ADRA1A: variants seen among roughly 807,000 people sequenced by gnomAD.
ADRA1A encodes the protein alpha-1A adrenergic receptor.
In ADRA1A, 31 loss-of-function variants were observed where a neutral mutation model predicts 29.6. That is an observed-to-expected ratio of 1.05 (90% CI 0.79 to 1.41). The LOEUF (loss-of-function observed/expected upper bound fraction) is 1.41, where lower values mean the gene tolerates loss of function less well. Among genes scored for constraint, ADRA1A ranks in the 40% most tolerant of loss-of-function variants. The pLI, the probability that ADRA1A is intolerant of heterozygous loss-of-function variation, is 0.00. For synonymous variants in ADRA1A, 311 were observed against 254.3 expected, an observed-to-expected ratio of 1.22 and a Z score of -2.12; for missense variants, 619 against 601.1, an observed-to-expected ratio of 1.03 and a Z score of -0.31.
rs1263548603 is a variant in ADRA1A at position 26,775,566 on chromosome 8, C to T, written c.884-4900G>A. ...GTTTTCTCCTCAACAATCTCTGCTT[C>T]AAGAAGAGCCAACAGCTCCTGACTT... On this transcript the variant is annotated intron_variant, in intron 2 of 2. Coordinates refer to ENST00000380573, the MANE Select transcript of ADRA1A (RefSeq NM_000680.4). This position sits in a 1 kb window ranked among gnomAD's most constrained non-coding sequence, Gnocchi z 4.1. Among the ~76,000 whole-genome samples the T allele has an allele frequency of 6.6e-6, 1 of 152,188 alleles. No homozygotes were observed. Among genetic ancestry groups the T allele is most frequent in the Admixed American group, 6.5e-5 (1 of 15,282 alleles).
chr8:26,753,831 G>A (rs1451028941), downstream of ADRA1A, among the ~76,000 whole-genome samples: 1 of 152,116 alleles, frequency 6.6e-6, no homozygotes, highest in Non-Finnish European at 1.5e-5. Context: ...AAAGAAAGAG[G>A]TTTAAAATAT....
chr8:26,849,731 T>C (rs1812472465), intron 2 of ADRA1A, among the ~76,000 whole-genome samples: 1 of 152,206 alleles, frequency 6.6e-6, no homozygotes, highest in Non-Finnish European at 1.5e-5. Flanking sequence ...GCTTCAGCTA[T>C]TCAATAGAGG....
chr8:26,770,295 A>G lies in ADRA1A; in HGVS notation c.1255T>C (p.Cys419Arg), dbSNP rs372173736. Residue 419 changes from cysteine to arginine, a missense_variant, in exon 3 of 3, where the codon TGT becomes CGT. Coordinates refer to ENST00000380573, the MANE Select transcript of ADRA1A (RefSeq NM_000680.4). ...RITVSKDQSS[C>R]TTARVRSKSF... is the part of the protein sequence containing the mutation. Reference sequence around the variant, plus strand: ...TTACTTCTCACCCGGGCTGTGGTACAGGAGGATTGGTCTTTGGACACTGTA... The same window carrying G: ...TTACTTCTCACCCGGGCTGTGGTACGGGAGGATTGGTCTTTGGACACTGTA... 5 of 1,614,244 alleles carry G rather than the reference A, an allele frequency of 3.1e-6. No individual in the cohort carries two copies. The highest frequency in any genetic ancestry group is 4.2e-6 in the Non-Finnish European group (5 of 1,180,042).
intron 2 of ADRA1A, among the ~76,000 whole-genome samples, chr8:26,776,405 G>A (rs1214268525): frequency 6.6e-6 from 1 of 152,160 alleles, no homozygotes; most frequent in African/African-American, 2.4e-5. Flanking sequence ...AGAGACACTG[G>A]GCTATGGTAA....
At position 26,865,117 on chromosome 8, in the gene ADRA1A, G is replaced by A. The variant is rs1585871544; in HGVS notation, c.-148C>T. 3 of 1,473,760 alleles carry A rather than the reference G, an allele frequency of 2.0e-6. No individual in the cohort carries two copies. Among genetic ancestry groups the A allele is most frequent in the South Asian group, 2.8e-5 (2 of 72,492 alleles). 91.3% of individuals were successfully genotyped at this position (1,473,760 alleles called of 1,614,324 possible). The stretch of plus-strand genomic sequence containing the variant: ...TTTGGCTGGGGGTGAGAGCGCGCGC[G>A]CGGGTGGGAAACAACCCTGGCCAGC... On this transcript the variant is annotated 5_prime_UTR_variant, in exon 2 of 3. Coordinates refer to ENST00000380573, the MANE Select transcript of ADRA1A (RefSeq NM_000680.4). The surrounding 1 kb of genome is among the most constrained non-coding windows in gnomAD (Gnocchi z 7.6).
intron 2 of ADRA1A, among the ~76,000 whole-genome samples, chr8:26,800,431 G>A (rs1242813384): frequency 6.6e-6 from 1 of 152,074 alleles, no homozygotes; most frequent in Admixed American, 6.6e-5. Context: ...CTCAATGGGG[G>A]AAAGTCTTTT....
chr8:26,806,963 A>G lies in ADRA1A; in HGVS notation c.884-36297T>C, dbSNP rs1242137161. Among the ~76,000 whole-genome samples the G allele has an allele frequency of 6.6e-6, 1 of 152,204 alleles. No individual in the cohort carries two copies. ...AAAGTGGCTTGGCTTTGGCTCTGTT[A>G]ATAATGTCAAACTTATGTCGGGGGT... is the stretch of plus-strand genomic sequence containing the variant. On this transcript the variant is annotated intron_variant, in intron 2 of 2. Transcript: ENST00000380573. This position sits in a 1 kb window ranked among gnomAD's most constrained non-coding sequence, Gnocchi z 4.6.
At chr8:26,844,545 G>A (rs1812060359) in intron 2 of ADRA1A, among the ~76,000 whole-genome samples, 1 of 152,122 alleles carries the variant, frequency 6.6e-6, no homozygotes, top group African/African-American at 2.4e-5. Flanking sequence ...CCATTTGATG[G>A]AATAGAATTT....
At chr8:26,755,651 T>C (rs1805129980), downstream of ADRA1A, among the ~76,000 whole-genome samples, 1 of 152,166 alleles carries the variant, frequency 6.6e-6, no homozygotes, top group Non-Finnish European at 1.5e-5. Context: ...GATCACCACT[T>C]TTGATAAGCC....
chr8:26,850,249 C>T (rs986165137), intron 2 of ADRA1A, among the ~76,000 whole-genome samples: 2 of 151,924 alleles, frequency 1.3e-5, no homozygotes, highest in African/African-American at 4.8e-5. Flanking sequence ...TTATAAACAT[C>T]TTAGTTGAAA....
At chr8:26,773,441 T>G (rs1806323121) in intron 2 of ADRA1A, among the ~76,000 whole-genome samples, 1 of 152,150 alleles carries the variant, frequency 6.6e-6, no homozygotes, top group Non-Finnish European at 1.5e-5. Context: ...CTACTAATAG[T>G]GACAGTGATG....
chr8:26,779,319 C>T lies in ADRA1A; in HGVS notation c.884-8653G>A, dbSNP rs1336090001. 4 of 702,844 alleles carry T rather than the reference C, an allele frequency of 5.7e-6. No individual in the cohort carries two copies. The East Asian group carries it at 1.1e-4, about 19-fold the overall frequency. 43.5% of individuals were successfully genotyped at this position (702,844 alleles called of 1,614,324 possible). On this transcript the variant is annotated intron_variant, in intron 2 of 2. Coordinates refer to ENST00000380573, the MANE Select transcript of ADRA1A (RefSeq NM_000680.4). ...CCCACAGGTGTCTTTCCTTGAAACA[C>T]CTTCCAAATTTTCCTTCTCCATCAC...
intron 2 of ADRA1A, among the ~76,000 whole-genome samples, chr8:26,844,797 C>T (rs1374901638): frequency 6.6e-6 from 1 of 152,068 alleles, no homozygotes; most frequent in Non-Finnish European, 1.5e-5. Flanking sequence ...TAGGAGAAAA[C>T]ATAAGGATAC....
intron 2 of ADRA1A, among the ~76,000 whole-genome samples, chr8:26,850,416 A>G (rs1468256543): frequency 3.3e-5 from 5 of 152,360 alleles, no homozygotes; most frequent in Non-Finnish European, 5.9e-5. Flanking sequence ...CCTCACTTGA[A>G]TTCTATGTCA....
intron 2 of ADRA1A, among the ~76,000 whole-genome samples, chr8:26,771,333 C>G (rs538670918): frequency 1.3e-5 from 2 of 152,358 alleles, no homozygotes; most frequent in South Asian, 4.1e-4. Context: ...TCCACAGCCT[C>G]TGGTCTAACC....
At position 26,796,479 on chromosome 8, in the gene ADRA1A, T is replaced by G. The variant is rs1836770337; in HGVS notation, c.884-25813A>C. ...CTGTGAAGGACACAAAGAGGTGGGA[T>G]TTTGTTCCCAGCCTCCTGGATTCAT... On this transcript the variant is annotated intron_variant, in intron 2 of 2. Coordinates refer to ENST00000380573, the MANE Select transcript of ADRA1A (RefSeq NM_000680.4). This position sits in a 1 kb window ranked among gnomAD's most constrained non-coding sequence, Gnocchi z 5.0. 6.6e-6 allele frequency among the ~76,000 whole-genome samples: 1 copy of G among 152,120 alleles called. No individual in the cohort carries two copies. The highest frequency in any genetic ancestry group is 6.6e-5 in the Admixed American group (1 of 15,258).
At chr8:26,834,876 T>G (rs1259491282) in intron 2 of ADRA1A, among the ~76,000 whole-genome samples, 3 of 152,182 alleles carry the variant, frequency 2.0e-5, no homozygotes, top group African/African-American at 4.8e-5. Flanking sequence ...ATTCTTCACT[T>G]GTTTCCTGGG....
intron 2 of ADRA1A, among the ~76,000 whole-genome samples, chr8:26,749,747 C>T (rs1288410925): frequency 6.6e-6 from 1 of 152,154 alleles, no homozygotes; most frequent in African/African-American, 2.4e-5. Flanking sequence ...TAAGACTCCT[C>T]CATGGCCAGC....
chr8:26,790,960 C>T (rs998520960), intron 2 of ADRA1A, among the ~76,000 whole-genome samples: 1 of 152,026 alleles, frequency 6.6e-6, no homozygotes, highest in African/African-American at 2.4e-5. Flanking sequence ...AATTGGTATG[C>T]CTCCCATGCA....
Sources: allele counts gnomAD v4.1 joint callset (sites outside exome capture counted in the v4.1 genomes callset), GRCh38; gene constraint gnomAD v4.1.1; non-coding constraint Gnocchi (gnomAD v3.1); transcripts MANE v1.5; gene names NCBI Gene and HGNC (gene_info 2026-07-23, HGNC 2026-07-21).